CAMK2D: variants seen among roughly 807,000 people sequenced by gnomAD.
CAMK2D encodes calcium/calmodulin dependent protein kinase II delta.
In CAMK2D, 37 loss-of-function variants were observed where a neutral mutation model predicts 84.0. The observed-to-expected ratio is 0.44, with a 90% CI of 0.34 to 0.58. The LOEUF (loss-of-function observed/expected upper bound fraction) is 0.58, where lower values mean the gene tolerates loss of function less well. Ranked by LOEUF, CAMK2D falls within the 20% of genes least tolerant of loss-of-function variation. The pLI is 0.02. For synonymous variants in CAMK2D, 202 were observed against 212.5 expected (o/e 0.95, Z 0.43); for missense variants, 448 against 652.5 (o/e 0.69, Z 3.41).
chr4:113,555,021 C>T (rs2051785), intron 4 of CAMK2D, among the ~76,000 whole-genome samples: 119,181 of 151,980 alleles, frequency 0.78, 47,072 homozygotes, highest in African/African-American at 0.86. Flanking sequence ...ATATTTGTTA[C>T]TGTTGTTATT....
At chr4:113,457,616 A>C (rs1483953126) in intron 18 of CAMK2D, 53 bp from the exon 19 acceptor site, 2 of 1,398,668 alleles carry the variant, frequency 1.4e-6, no homozygotes, top group African/African-American at 2.8e-5. Context: ...AAAGGAAACT[A>C]AAACCAGTAA....
chr4:113,600,332 T>G (rs562336263), intron 4 of CAMK2D, among the ~76,000 whole-genome samples: 2 of 152,322 alleles, frequency 1.3e-5, no homozygotes, highest in African/African-American at 2.4e-5. Context: ...AGTAGTACAA[T>G]GTACTATTAT....
At chr4:113,485,334 C>T (rs762932548) in intron 16 of CAMK2D, among the ~76,000 whole-genome samples, 6 of 152,158 alleles carry the variant, frequency 3.9e-5, no homozygotes, top group Non-Finnish European at 7.3e-5. Flanking sequence ...GAATATCCAG[C>T]GCTTTTAACA....
At chr4:113,611,136 G>A (rs550504728) in intron 3 of CAMK2D, among the ~76,000 whole-genome samples, 2 of 151,996 alleles carry the variant, frequency 1.3e-5, no homozygotes, top group Admixed American at 1.3e-4. Flanking sequence ...TCACTTTAAT[G>A]GTGTGAAAGG....
At chr4:113,533,884 G>C (rs1262818552) in intron 7 of CAMK2D, among the ~76,000 whole-genome samples, 1 of 150,566 alleles carries the variant, frequency 6.6e-6, no homozygotes, top group Non-Finnish European at 1.5e-5. Context: ...AAACAAGTTG[G>C]GACTTGAAAA....
intron 8 of CAMK2D, among the ~76,000 whole-genome samples, chr4:113,527,500 A>G (rs6829664): frequency 0.19 from 28,951 of 152,064 alleles, 3,125 homozygotes; most frequent in Non-Finnish European, 0.26. Context: ...TTCTATATGT[A>G]CTGGGAAACC....
At chr4:113,598,562 T>TC (rs1470429417) in intron 4 of CAMK2D, among the ~76,000 whole-genome samples, 1 of 152,138 alleles carries the variant, frequency 6.6e-6, no homozygotes, top group African/African-American at 2.4e-5. Flanking sequence ...CTTAAAAACT[T>TC]CCACTCTGCA....
intron 15 of CAMK2D, among the ~76,000 whole-genome samples, chr4:113,502,368 C>T (rs558805751): frequency 6.7e-6 from 1 of 149,950 alleles, no homozygotes; most frequent in African/African-American, 2.4e-5. Flanking sequence ...CTCCTTGATT[C>T]ACCTCAAATT....
chr4:113,715,619 C>T (rs998515248), intron 2 of CAMK2D, among the ~76,000 whole-genome samples: 6 of 151,966 alleles, frequency 3.9e-5, no homozygotes, highest in Non-Finnish European at 8.8e-5. Context: ...AGGTGGTTTC[C>T]AGGATCAAGT....
intron 16 of CAMK2D, among the ~76,000 whole-genome samples, chr4:113,484,759 A>G (rs2154132161): frequency 6.6e-6 from 1 of 152,258 alleles, no homozygotes. Context: ...GGGGCTCTTT[A>G]CAAAAGATAA....
chr4:113,646,306 C>T (rs1396477672), intron 3 of CAMK2D, among the ~76,000 whole-genome samples: 5 of 152,176 alleles, frequency 3.3e-5, no homozygotes, highest in Admixed American at 6.5e-5. Context: ...GCAGACTCTA[C>T]GGCAGGTGCT....
At chr4:113,632,249 G>A (rs78081842) in intron 3 of CAMK2D, among the ~76,000 whole-genome samples, 8,503 of 151,960 alleles carry the variant, frequency 0.056, 696 homozygotes, top group African/African-American at 0.17. Context: ...TATTTGATAT[G>A]GAGTTTCGCT....
At chr4:113,514,018 G>T in intron 10 of CAMK2D, 105 bp from the exon 11 acceptor site, 1 of 545,198 alleles carries the variant, frequency 1.8e-6, no homozygotes, top group Non-Finnish European at 3.3e-6. Context: ...TGCTGCACCT[G>T]CAGGATCAAC....
intron 7 of CAMK2D, among the ~76,000 whole-genome samples, chr4:113,533,360 A>G (rs377639519): frequency 1.3e-5 from 2 of 152,116 alleles, no homozygotes; most frequent in African/African-American, 4.8e-5. Flanking sequence ...GGGGGGTAAA[A>G]TAGAGAAGAC....
chr4:113,485,697 T>G (rs561052698), intron 16 of CAMK2D, among the ~76,000 whole-genome samples: 8 of 152,336 alleles, frequency 5.3e-5, no homozygotes, highest in Admixed American at 2.6e-4. Context: ...TACATTATCT[T>G]GCAGAATCAT....
chr4:113,602,095 T>C (rs894619346), intron 4 of CAMK2D, among the ~76,000 whole-genome samples: 1 of 152,184 alleles, frequency 6.6e-6, no homozygotes, highest in Non-Finnish European at 1.5e-5. Flanking sequence ...TTAGTTCTTT[T>C]TTTTTTTATT....
chr4:113,542,154 T>C (rs1000527853), intron 6 of CAMK2D, among the ~76,000 whole-genome samples: 1 of 152,210 alleles, frequency 6.6e-6, no homozygotes, highest in Admixed American at 6.5e-5. Flanking sequence ...TGTAACTAAC[T>C]GCAGTGGGAG....
chr4:113,516,630 A>G (rs2098287482), intron 9 of CAMK2D, among the ~76,000 whole-genome samples: 1 of 92,418 alleles, frequency 1.1e-5, no homozygotes. Flanking sequence ...ATCTAAATAG[A>G]AAATTTTTAT....
intron 2 of CAMK2D, among the ~76,000 whole-genome samples, chr4:113,738,876 T>C (rs1317456248): frequency 6.6e-6 from 1 of 152,144 alleles, no homozygotes; most frequent in Non-Finnish European, 1.5e-5. Flanking sequence ...CAATATTTAC[T>C]AACTCACTTG....
Sources: allele counts gnomAD v4.1 joint callset (sites outside exome capture counted in the v4.1 genomes callset), GRCh38; gene constraint gnomAD v4.1.1; transcripts MANE v1.5; gene names NCBI Gene and HGNC (gene_info 2026-07-23, HGNC 2026-07-21).